FAM76A: variants seen among roughly 807,000 people sequenced by gnomAD.
FAM76A encodes protein FAM76A.
Under a neutral mutation model 46.2 loss-of-function variants are expected in FAM76A, and 32 were observed. The ratio of observed to expected loss-of-function variants is 0.69; its 90% CI spans 0.52 to 0.93. The LOEUF is 0.93. Ranked by LOEUF, FAM76A falls within the 40% of genes least tolerant of loss-of-function variation. The probability of loss-of-function intolerance (pLI) is 0.00; values close to 1 mark genes in which losing one functional copy is unlikely to be tolerated. For missense variants in FAM76A, 274 were observed against 361.5 expected, an observed-to-expected ratio of 0.76 and a Z score of 1.96; for synonymous variants, 137 against 127.0, an observed-to-expected ratio of 1.08 and a Z score of -0.53.
At chr1:27,751,433 T>C (rs930555814) in intron 6 of FAM76A, among the ~76,000 whole-genome samples, 1 of 152,154 alleles carries the variant, frequency 6.6e-6, no homozygotes, top group African/African-American at 2.4e-5. Context: ...AAAAGCATTC[T>C]GACATTTTTT....
intron 5 of FAM76A, among the ~76,000 whole-genome samples, chr1:27,746,496 G>T (rs1383009959): frequency 6.6e-6 from 1 of 152,164 alleles, no homozygotes; most frequent in Non-Finnish European, 1.5e-5. Context: ...GCCAAGGCGG[G>T]CGCATCACAA....
In FAM76A at chr1:27,732,641, T is replaced by G; in HGVS notation, c.185T>G (p.Val62Gly). The change falls in exon 3 of 9, where the codon GTG becomes GGG. Residue 62 changes from valine (V) to glycine (G), a missense_variant. Physicochemically the swap from Val to Gly is moderately radical, Grantham distance 109. Transcript: ENST00000373954. ...NTICKKCAQN[V>G]QLYGTPKPCQ... ...ATATGCAAGAAATGTGCTCAGAACG[T>G]GCAGTTGTATGGAACGGTAAGTAGG... 6.2e-7 allele frequency: 1 copy of G among 1,609,442 alleles called. No individual in the cohort carries two copies. Among genetic ancestry groups the G allele is most frequent in the Non-Finnish European group, 8.5e-7 (1 of 1,176,408 alleles).
intron 6 of FAM76A, among the ~76,000 whole-genome samples, chr1:27,750,753 T>G (rs2088317763): frequency 6.6e-6 from 1 of 152,218 alleles, no homozygotes; most frequent in Non-Finnish European, 1.5e-5. Flanking sequence ...AGCTAAAAAC[T>G]CAAGTTTTCT....
intron 4 of FAM76A, among the ~76,000 whole-genome samples, chr1:27,741,368 T>A (rs2088150204): frequency 6.6e-6 from 1 of 151,866 alleles, no homozygotes; most frequent in Non-Finnish European, 1.5e-5. Context: ...GTACTTTTTG[T>A]CGAGACAAGG....
intron 2 of FAM76A, chr1:27,730,311 C>G (rs999595401): frequency 6.3e-6 from 1 of 158,114 alleles, no homozygotes; most frequent in Non-Finnish European, 1.4e-5. Flanking sequence ...CTCATCCTCC[C>G]GAGTAGCTGG....
intron 7 of FAM76A, among the ~76,000 whole-genome samples, chr1:27,758,856 T>A (rs2088459364): frequency 6.6e-6 from 1 of 152,056 alleles, no homozygotes; most frequent in Non-Finnish European, 1.5e-5. Context: ...GCAGATTGTT[T>A]CCCAAAGCTT....
chr1:27,736,560 T>C (rs2088049022), intron 4 of FAM76A, among the ~76,000 whole-genome samples: 1 of 152,112 alleles, frequency 6.6e-6, no homozygotes, highest in Non-Finnish European at 1.5e-5. Flanking sequence ...ATGATTTGTT[T>C]TTGATAGTTT....
chr1:27,737,386 C>G lies in FAM76A; in HGVS notation c.354+3203C>G, dbSNP rs550968655. On this transcript the variant is annotated intron_variant, in intron 4 of 8. Transcript: ENST00000373954. ...TGTTTTAAACCCTTTAATGAAAGCT[C>G]TTACCTGGGGAAGGTCTTACAGGGT... is the stretch of plus-strand genomic sequence containing the variant. Among the ~76,000 whole-genome samples, 6 of 152,264 alleles carry G rather than the reference C, an allele frequency of 3.9e-5. No individual in the cohort carries two copies. The South Asian group carries it at 1.0e-3, about 26-fold the overall frequency.
chr1:27,734,913 A>G (rs1205159125), intron 4 of FAM76A, among the ~76,000 whole-genome samples: 1 of 152,252 alleles, frequency 6.6e-6, no homozygotes, highest in East Asian at 1.9e-4. Context: ...GGAAGGGTGT[A>G]CCTTGAGAGA....
chr1:27,736,817 T>C (rs1571474161), intron 4 of FAM76A, among the ~76,000 whole-genome samples: 2 of 152,226 alleles, frequency 1.3e-5, no homozygotes, highest in Non-Finnish European at 2.9e-5. Flanking sequence ...TTCACCATGT[T>C]GGCCAGGCTG....
rs566098135 is a variant in FAM76A, at chr1:27,760,642, A to C, written c.*61A>C. The stretch of plus-strand genomic sequence containing the variant: ...GAGTTGTCCAGGGTTAGGGTTGGAG[A>C]CCTGGCTGTTCTGTGGGAATTGCAA... On this transcript the variant is annotated 3_prime_UTR_variant, in exon 9 of 9. Coordinates refer to ENST00000373954, the MANE Select transcript of FAM76A (RefSeq NM_152660.3). The C allele has an allele frequency of 1.3e-4, 158 of 1,233,352 alleles. No individual in the cohort carries two copies. The East Asian group carries it at 2.7e-3, about 21-fold the overall frequency. The allele number at this position is 1,233,352 out of a possible 1,614,324, so 76.4% of individuals were successfully genotyped here. A position where few individuals can be genotyped will look rare whatever the true frequency, so the allele number is the denominator to read the frequency against.
chr1:27,744,135 A>G (rs1275334410), intron 4 of FAM76A, among the ~76,000 whole-genome samples: 1 of 151,884 alleles, frequency 6.6e-6, no homozygotes, highest in Non-Finnish European at 1.5e-5. Flanking sequence ...AATTTAATTT[A>G]TTTATTTATT....
At chr1:27,757,740 G>A (rs893727036) in intron 7 of FAM76A, among the ~76,000 whole-genome samples, 1 of 151,888 alleles carries the variant, frequency 6.6e-6, no homozygotes, top group East Asian at 2.0e-4. Flanking sequence ...ATTTTGGGAG[G>A]CCAAGGCGGG....
intron 4 of FAM76A, chr1:27,739,214 T>C (rs915216461): frequency 1.9e-5 from 9 of 463,966 alleles, no homozygotes; most frequent in African/African-American, 8.0e-5. Flanking sequence ...GTGCCCCTAT[T>C]GTATGCATGC....
At position 27,729,207 on chromosome 1, in the gene FAM76A, A is replaced by G. The variant is rs1221047760; in HGVS notation, c.146+1671A>G. 2.7e-5 allele frequency among the ~76,000 whole-genome samples: 4 copies of G among 146,928 alleles called. No homozygotes were observed. The Admixed American group carries it at 2.7e-4, about 10-fold the overall frequency. ...TATCTTCTCCAAGATTTTATCATGG[A>G]TTTTTTTTTTTCTTTTATGAGACAG... On this transcript the variant is annotated intron_variant, in intron 2 of 8. Coordinates refer to ENST00000373954, the MANE Select transcript of FAM76A (RefSeq NM_152660.3).
chr1:27,736,492 A>G (rs995946782), intron 4 of FAM76A, among the ~76,000 whole-genome samples: 7 of 152,246 alleles, frequency 4.6e-5, no homozygotes, highest in Non-Finnish European at 7.3e-5. Context: ...AGGTCAAGAT[A>G]CTAGTAAAAC....
chr1:27,735,334 G>A (rs1389615843), intron 4 of FAM76A, among the ~76,000 whole-genome samples: 1 of 152,124 alleles, frequency 6.6e-6, no homozygotes, highest in Non-Finnish European at 1.5e-5. Context: ...TTATTTGGTT[G>A]CATGTTTGTC....
chr1:27,734,928 A>T (rs905954590), intron 4 of FAM76A, among the ~76,000 whole-genome samples: 3 of 152,232 alleles, frequency 2.0e-5, no homozygotes, highest in African/African-American at 7.2e-5. Flanking sequence ...GAGAGAATCA[A>T]AATGATTTAG....
rs2087852550 is a variant in FAM76A at position 27,726,071 on chromosome 1, C to T, written c.-10C>T. Reference sequence around the variant, plus strand: ...GGCCGGCGGGTCGGTGAGCGCGGCCCGGGCCGGACATGGCGGCGCTCTACG... The same window carrying T: ...GGCCGGCGGGTCGGTGAGCGCGGCCTGGGCCGGACATGGCGGCGCTCTACG... On this transcript the variant is annotated 5_prime_UTR_variant, in exon 1 of 9. Transcript: ENST00000373954. 10 of 1,256,900 alleles carry T rather than the reference C, an allele frequency of 8.0e-6. No homozygotes were observed. The highest frequency in any genetic ancestry group is 9.0e-6 in the Non-Finnish European group (9 of 1,000,606). The allele number at this position is 1,256,900 out of a possible 1,614,324, so 77.9% of individuals were successfully genotyped here.
Sources: gnomAD v4.1 joint callset for allele counts (sites outside exome capture counted in the v4.1 genomes callset) on GRCh38, gnomAD v4.1.1 for gene constraint, MANE v1.5 for transcripts, NCBI Gene and HGNC (gene_info 2026-07-23, HGNC 2026-07-21) for gene names.